NUP214: variants seen among roughly 807,000 people sequenced by gnomAD.
NUP214 encodes nucleoporin 214.
Under a neutral mutation model 196.2 loss-of-function variants are expected in NUP214, and 79 were observed. The observed-to-expected ratio is 0.40, with a 90% CI of 0.34 to 0.49. The LOEUF is 0.49. Among genes scored for constraint, NUP214 ranks in the 20% least tolerant of loss-of-function variants. The pLI, the probability that NUP214 is intolerant of heterozygous loss-of-function variation, is 0.58. For synonymous variants in NUP214, 1,020 were observed against 990.5 expected (o/e 1.03, Z -0.56); for missense variants, 2,468 against 2,539.0 (o/e 0.97, Z 0.60).
intron 17 of NUP214, among the ~76,000 whole-genome samples, chr9:131,156,398 C>A (rs1832444782): frequency 6.6e-6 from 1 of 151,926 alleles, no homozygotes; most frequent in African/African-American, 2.4e-5. Context: ...TCCCAAAGTG[C>A]TGGGATTACA....
chr9:131,233,269 G>C (rs1834927626), intron 35 of NUP214, among the ~76,000 whole-genome samples, 185 bp from the exon 36 acceptor site: 1 of 152,126 alleles, frequency 6.6e-6, no homozygotes, highest in Admixed American at 6.5e-5. Context: ...CCGAGAGACA[G>C]AGGTTGCAGT....
intron 27 of NUP214, among the ~76,000 whole-genome samples, chr9:131,192,941 CAA>C (rs34653431): frequency 0.063 from 1,928 of 30,586 alleles, 4 homozygotes; most frequent in Middle Eastern, 0.1. Flanking sequence ...ACCCCGTCTC[CAA>C]AAAAAAAAAA....
chr9:131,195,655 T>C (rs1473192510), intron 28 of NUP214: 2 of 183,318 alleles, frequency 1.1e-5, no homozygotes, highest in East Asian at 3.0e-4. Context: ...AGATAGACTG[T>C]AGAAATGAAA....
chr9:131,127,990 T>G (rs552857163), intron 2 of NUP214, among the ~76,000 whole-genome samples: 1 of 152,320 alleles, frequency 6.6e-6, no homozygotes, highest in East Asian at 1.9e-4. Context: ...GGGCTCTGGC[T>G]CTCTGGGTGA....
chr9:131,193,520 A>G (rs1833672252), intron 27 of NUP214, among the ~76,000 whole-genome samples: 1 of 151,548 alleles, frequency 6.6e-6, no homozygotes, highest in South Asian at 2.1e-4. Flanking sequence ...ATGCTTCCCA[A>G]AGGTAATTTG....
intron 11 of NUP214, among the ~76,000 whole-genome samples, chr9:131,142,676 A>G (rs1019215480): frequency 6.6e-6 from 1 of 152,274 alleles, no homozygotes; most frequent in African/African-American, 2.4e-5. Context: ...ATGTCTTTAC[A>G]GAAGTTAGTT....
intron 18 of NUP214, among the ~76,000 whole-genome samples, chr9:131,161,966 C>A (rs1428133684): frequency 9.2e-5 from 14 of 152,188 alleles, no homozygotes; most frequent in Non-Finnish European, 2.1e-4. Context: ...TGAATGCAAT[C>A]CAACACAAAT....
At chr9:131,206,163 G>C (rs1271878076) in intron 30 of NUP214, among the ~76,000 whole-genome samples, 1 of 15,732 alleles carries the variant, frequency 6.4e-5, no homozygotes, top group Non-Finnish European at 1.2e-4. Flanking sequence ...TTTTTTTTTT[G>C]AGACAGGGTT....
At chr9:131,194,885 G>A (rs911147882) in intron 27 of NUP214, among the ~76,000 whole-genome samples, 2 of 151,982 alleles carry the variant, frequency 1.3e-5, no homozygotes, top group Non-Finnish European at 2.9e-5. Flanking sequence ...CATCTGCTCC[G>A]GCCACCATTC....
In NUP214 at chr9:131,163,137, T is replaced by C. The variant is rs1214598860; in HGVS notation, c.2687T>C (p.Leu896Pro). Reference protein sequence around the residue: ...RLYKQTSLWSLSSAVPSQSSI... With the variant: ...RLYKQTSLWSPSSAVPSQSSI... ...TACAAACAGACTTCCCTGTGGAGCC[T>C]GTCCTCGGCTGTTCCTTCCCAGAGC... The change falls in exon 19 of 36, where the codon CTG becomes CCG. Residue 896 changes from leucine (L) to proline (P), a missense_variant. Coordinates refer to ENST00000359428, the MANE Select transcript of NUP214 (RefSeq NM_005085.4). The C allele has an allele frequency of 1.9e-6, 3 of 1,613,804 alleles. No homozygotes were observed. Among genetic ancestry groups the C allele is most frequent in the Admixed American group, 3.3e-5 (2 of 59,876 alleles).
At chr9:131,224,388 G>GT (rs994569576) in intron 32 of NUP214, among the ~76,000 whole-genome samples, 13 of 152,090 alleles carry the variant, frequency 8.5e-5, no homozygotes, top group Admixed American at 2.6e-4. Context: ...TGTGAAAAGA[G>GT]TTTTTTTTAA....
rs34775627 is a variant in NUP214 at position 131,213,805 on chromosome 9, G to GAAA, written c.5593-1401_5593-1399dup. Reference sequence around the variant, plus strand: ...GTTGTTGTTAAGAAATTTAAAGGGGGAAAAAAAAGAGACTAGGAAGTACAT... The same window carrying GAAA: ...GTTGTTGTTAAGAAATTTAAAGGGGGAAAAAAAAAAAGAGACTAGGAAGTACAT... On this transcript the variant is annotated intron_variant, in intron 30 of 35. Transcript: ENST00000359428. 2.7e-5 allele frequency among the ~76,000 whole-genome samples: 4 copies of GAAA among 150,842 alleles called. No homozygotes were observed. The South Asian group carries it at 8.4e-4, about 32-fold the overall frequency.
intron 30 of NUP214, among the ~76,000 whole-genome samples, chr9:131,210,192 A>G (rs1454454878): frequency 1.3e-5 from 2 of 152,262 alleles, no homozygotes; most frequent in Non-Finnish European, 2.9e-5. Context: ...TTAAATTTTT[A>G]AAATCAGCAA....
intron 27 of NUP214, among the ~76,000 whole-genome samples, chr9:131,193,563 A>AATT (rs1336109330): frequency 6.9e-6 from 1 of 145,654 alleles, no homozygotes; most frequent in Non-Finnish European, 1.5e-5. Flanking sequence ...CAATGCCAAG[A>AATT]ATTATTGCAT....
At chr9:131,185,259 G>A (rs552342952) in intron 24 of NUP214, among the ~76,000 whole-genome samples, 2 of 152,338 alleles carry the variant, frequency 1.3e-5, no homozygotes, top group East Asian at 1.9e-4. Flanking sequence ...TTGGCATGTA[G>A]TGCTGGTAAT....
intron 28 of NUP214, chr9:131,195,692 A>G: frequency 5.7e-6 from 1 of 175,466 alleles, no homozygotes; most frequent in Non-Finnish European, 1.2e-5. Context: ...TTCCTTGATA[A>G]CATACCAGCA....
chr9:131,197,200 T>G lies in NUP214; in HGVS notation c.3722-16T>G. The G allele has an allele frequency of 6.2e-7, 1 of 1,607,264 alleles. No homozygotes were observed. The highest frequency in any genetic ancestry group is 8.5e-7 in the Non-Finnish European group (1 of 1,175,184). Reference sequence around the variant, plus strand: ...TGCTAAATCCAACCCATTTTCTGATTTCTTTTTCTTGCTAGGGGCAACACC... The same window carrying G: ...TGCTAAATCCAACCCATTTTCTGATGTCTTTTTCTTGCTAGGGGCAACACC... On this transcript the variant is annotated splice_polypyrimidine_tract_variant and intron_variant, in intron 28 of 35. Coordinates refer to ENST00000359428, the MANE Select transcript of NUP214 (RefSeq NM_005085.4).
chr9:131,156,811 G>A (rs371545919), intron 17 of NUP214, among the ~76,000 whole-genome samples: 34 of 152,040 alleles, frequency 2.2e-4, no homozygotes, highest in Non-Finnish European at 3.5e-4. Context: ...CAGTTTGGAC[G>A]CGCTTTATTT....
chr9:131,224,468 C>T (rs1445153735), intron 32 of NUP214, among the ~76,000 whole-genome samples: 1 of 152,150 alleles, frequency 6.6e-6, no homozygotes, highest in Non-Finnish European at 1.5e-5. Context: ...GGTAAGTGGG[C>T]AGGACACTTG....
Sources: allele counts gnomAD v4.1 joint callset (sites outside exome capture counted in the v4.1 genomes callset), GRCh38; gene constraint gnomAD v4.1.1; transcripts MANE v1.5; gene names NCBI Gene and HGNC (gene_info 2026-07-23, HGNC 2026-07-21).